The following RUNDC3B variants were observed in gnomAD, a reference collection of about 807,000 sequenced individuals.
RUNDC3B encodes the protein RUN domain-containing protein 3B.
RUNDC3B carries 33 observed loss-of-function variants against 58.4 expected under a neutral mutation model. The observed-to-expected ratio is 0.56, with a 90% confidence interval of 0.43 to 0.75. The LOEUF is 0.75. Among genes scored for constraint, RUNDC3B ranks in the 30% least tolerant of loss-of-function variants. The pLI is 0.00. For synonymous variants in RUNDC3B, 193 were observed against 195.2 expected (o/e 0.99, Z 0.10); for missense variants, 501 against 535.7 (o/e 0.94, Z 0.64).
intron 6 of RUNDC3B, among the ~76,000 whole-genome samples, chr7:87,748,261 G>C (rs192554093): frequency 6.6e-6 from 1 of 152,180 alleles, no homozygotes; most frequent in East Asian, 1.9e-4. Flanking sequence ...TTCTCCAGTG[G>C]GGGTGTGTGT....
rs2130987572 is a variant in RUNDC3B at position 87,831,544 on chromosome 7, T to TTTAAGCTTAAGC, written c.*1525_*1526insCTTAAGCTTAAG. 1 of 152,078 alleles carries TTTAAGCTTAAGC rather than the reference T, an allele frequency of 6.6e-6. No individual in the cohort carries two copies. The highest frequency in any genetic ancestry group is 2.1e-4 in the South Asian group (1 of 4,830). 9.4% of individuals were successfully genotyped at this position (152,078 alleles called of 1,614,324 possible). ...CAGAACATATTCAGAGCTTTATTCCTTTAAGCTTAAGGCTTCAATACTTGT... is the reference window on the plus strand; with the variant it reads ...CAGAACATATTCAGAGCTTTATTCCTTTAAGCTTAAGCTTAAGCTTAAGGCTTCAATACTTGT... On this transcript the variant is annotated 3_prime_UTR_variant, in exon 11 of 11. Coordinates refer to ENST00000394654, the MANE Select transcript of RUNDC3B (RefSeq NM_001134405.2).
intron 6 of RUNDC3B, among the ~76,000 whole-genome samples, chr7:87,742,579 G>A (rs201516368): frequency 1.9e-5 from 2 of 107,344 alleles, no homozygotes; most frequent in Non-Finnish European, 4.0e-5. Flanking sequence ...TAGATAAATA[G>A]ATAGATAGAT....
intron 1 of RUNDC3B, among the ~76,000 whole-genome samples, chr7:87,631,175 T>C (rs1355745521): frequency 6.6e-6 from 1 of 152,204 alleles, no homozygotes; most frequent in Non-Finnish European, 1.5e-5. Flanking sequence ...AAATTATCCA[T>C]GTGTAGTAAT....
intron 5 of RUNDC3B, among the ~76,000 whole-genome samples, chr7:87,741,223 AAAC>A (rs1431925104): frequency 6.6e-6 from 1 of 150,490 alleles, no homozygotes; most frequent in Non-Finnish European, 1.5e-5. Context: ...AGAAAAAAAA[AAAC>A]AAACAAAAAA....
intron 2 of RUNDC3B, among the ~76,000 whole-genome samples, chr7:87,658,481 C>T (rs1305304705): frequency 6.6e-6 from 1 of 152,150 alleles, no homozygotes; most frequent in Non-Finnish European, 1.5e-5. Flanking sequence ...AAGTACTCAA[C>T]AGCTGAAAAT....
At chr7:87,642,727 T>G (rs1218176146) in intron 1 of RUNDC3B, among the ~76,000 whole-genome samples, 2 of 152,100 alleles carry the variant, frequency 1.3e-5, no homozygotes, top group African/African-American at 4.8e-5. Flanking sequence ...TTTAAGAGTG[T>G]GCTTCTAACG....
At chr7:87,797,704 A>C (rs1484803204) in intron 8 of RUNDC3B, among the ~76,000 whole-genome samples, 1 of 152,282 alleles carries the variant, frequency 6.6e-6, no homozygotes, top group Non-Finnish European at 1.5e-5. Flanking sequence ...CCTGAAATTC[A>C]GTTCTTATGG....
intron 4 of RUNDC3B, among the ~76,000 whole-genome samples, chr7:87,715,255 A>T (rs969494764): frequency 1.5e-5 from 2 of 134,246 alleles, no homozygotes; most frequent in Non-Finnish European, 3.1e-5. Context: ...TAATTATATT[A>T]TATATAATTA....
intron 3 of RUNDC3B, among the ~76,000 whole-genome samples, chr7:87,700,957 A>G (rs866201446): frequency 6.6e-6 from 1 of 152,210 alleles, no homozygotes; most frequent in African/African-American, 2.4e-5. Flanking sequence ...CCCACCATGC[A>G]CTCAGTATTT....
intron 2 of RUNDC3B, among the ~76,000 whole-genome samples, chr7:87,675,862 G>C (rs2130554001): frequency 6.6e-6 from 1 of 152,136 alleles, no homozygotes; most frequent in East Asian, 1.9e-4. Context: ...AGATATTTTT[G>C]GACTTAACAC....
intron 1 of RUNDC3B, among the ~76,000 whole-genome samples, chr7:87,648,442 A>G (rs1039905640): frequency 6.6e-5 from 10 of 152,134 alleles, no homozygotes; most frequent in African/African-American, 2.4e-4. Flanking sequence ...TTCACATTAA[A>G]GGGCTTCTCA....
intron 3 of RUNDC3B, among the ~76,000 whole-genome samples, chr7:87,703,885 C>CTTTTTTTTTTTTTTT: frequency 6.5e-4 from 39 of 60,258 alleles, no homozygotes; most frequent in East Asian, 1.0e-3. Flanking sequence ...TCAGTTTTTT[C>CTTTTTTTTTTTTTTT]TTTTTTTTTT....
Position 87,799,757 on chromosome 7 carries a change from T to A in RUNDC3B, c.957-7616T>A, listed in dbSNP as rs556398726. Among the ~76,000 whole-genome samples the A allele has an allele frequency of 8.6e-5, 13 of 152,002 alleles. No homozygotes were observed. In the East Asian group the frequency reaches 1.9e-3, roughly 23 times the overall value. On this transcript the variant is annotated intron_variant, in intron 8 of 10. Coordinates refer to ENST00000394654, the MANE Select transcript of RUNDC3B (RefSeq NM_001134405.2). ...CAAAAATTAGCTGGGCATGGTGGCGTGTGCCTGTAGTCCCAGCTACTCAGG... is the reference window on the plus strand; with the variant it reads ...CAAAAATTAGCTGGGCATGGTGGCGAGTGCCTGTAGTCCCAGCTACTCAGG...
At chr7:87,634,772 A>C (rs1299468566) in intron 1 of RUNDC3B, among the ~76,000 whole-genome samples, 2 of 152,182 alleles carry the variant, frequency 1.3e-5, no homozygotes, top group African/African-American at 4.8e-5. Flanking sequence ...AAACTCTTTC[A>C]GTCATTTTAT....
At chr7:87,660,199 C>T (rs1824547707) in intron 2 of RUNDC3B, among the ~76,000 whole-genome samples, 1 of 151,974 alleles carries the variant, frequency 6.6e-6, no homozygotes, top group Admixed American at 6.6e-5. Flanking sequence ...TAGCAGTTAC[C>T]AGTAAAAACT....
In RUNDC3B at chr7:87,700,537, A is replaced by C; in HGVS notation, c.355A>C (p.Ser119Arg). Residue 119 changes from serine (S) to arginine (R), a missense_variant, in exon 3 of 11, where the codon AGT becomes CGT. Transcript: ENST00000394654. Reference protein sequence around the residue: ...ICSIENMENVSSSRAKGRAWI... With the variant: ...ICSIENMENVRSSRAKGRAWI... Reference sequence around the variant, plus strand: ...CAGCATTGAAAATATGGAAAATGTCAGTTCTTCTAGAGCTAAGGTAAGACA... The same window carrying C: ...CAGCATTGAAAATATGGAAAATGTCCGTTCTTCTAGAGCTAAGGTAAGACA... 2 of 1,612,760 alleles carry C rather than the reference A, an allele frequency of 1.2e-6. No homozygotes were observed. Among genetic ancestry groups the C allele is most frequent in the Non-Finnish European group, 8.5e-7 (1 of 1,179,638 alleles).
chr7:87,818,096 AAT>A (rs1174213758), intron 10 of RUNDC3B, among the ~76,000 whole-genome samples: 1 of 152,122 alleles, frequency 6.6e-6, no homozygotes, highest in African/African-American at 2.4e-5. Flanking sequence ...CATAATCCAT[AAT>A]GAGTATATTT....
At chr7:87,634,267 C>T (rs1309190349) in intron 1 of RUNDC3B, among the ~76,000 whole-genome samples, 1 of 152,120 alleles carries the variant, frequency 6.6e-6, no homozygotes, top group Admixed American at 6.5e-5. Context: ...CAAATTTCAA[C>T]ATGTCATTTG....
chr7:87,750,780 C>T (rs1173422191), intron 6 of RUNDC3B, among the ~76,000 whole-genome samples: 34 of 150,622 alleles, frequency 2.3e-4, no homozygotes, highest in East Asian at 2.1e-3. Flanking sequence ...TGGATATTAG[C>T]CCTTTGTCAG....
Sources: allele counts gnomAD v4.1 joint callset (sites outside exome capture counted in the v4.1 genomes callset), GRCh38; gene constraint gnomAD v4.1.1; transcripts MANE v1.5; gene names NCBI Gene and HGNC (gene_info 2026-07-23, HGNC 2026-07-21).